SMARCA2: variants seen among roughly 807,000 people sequenced by gnomAD.
SMARCA2 encodes SWI/SNF related BAF chromatin remodeling complex subunit ATPase 2.
In SMARCA2, 61 loss-of-function variants were observed where a neutral mutation model predicts 199.8. The observed-to-expected ratio is 0.31, with a 90% CI of 0.25 to 0.38. The LOEUF (loss-of-function observed/expected upper bound fraction) is 0.38. SMARCA2 is among the 10% of genes least tolerant of loss of function. SMARCA2 has a pLI of 1.00. For synonymous variants in SMARCA2, 935 were observed against 732.0 expected, an observed-to-expected ratio of 1.28 and a Z score of -4.48; for missense variants, 1,344 against 2,012.2, an observed-to-expected ratio of 0.67 and a Z score of 6.35.
chr9:2,089,540 C>G (rs1256118422), intron 19 of SMARCA2, among the ~76,000 whole-genome samples: 1 of 152,146 alleles, frequency 6.6e-6, no homozygotes, highest in Non-Finnish European at 1.5e-5. Flanking sequence ...CAACGTTGAT[C>G]ACTTTGTTAC....
intron 27 of SMARCA2, among the ~76,000 whole-genome samples, chr9:2,141,124 T>C (rs1473716754): frequency 6.6e-6 from 1 of 151,504 alleles, no homozygotes; most frequent in Non-Finnish European, 1.5e-5. Flanking sequence ...GAGAGAATTC[T>C]TAATCCAAAT....
chr9:2,136,251 G>A (rs940851458), intron 27 of SMARCA2, among the ~76,000 whole-genome samples: 8 of 144,316 alleles, frequency 5.5e-5, no homozygotes, highest in Non-Finnish European at 1.1e-4. Flanking sequence ...GCAGTGGCAC[G>A]ATCTTGGCTC....
intron 3 of SMARCA2, among the ~76,000 whole-genome samples, chr9:2,037,023 T>G (rs1218799061): frequency 6.6e-6 from 1 of 152,212 alleles, no homozygotes; most frequent in East Asian, 1.9e-4. Flanking sequence ...ATATGACTAA[T>G]TTTAAGCCCT....
chr9:2,118,341 AT>A (rs750496618), intron 25 of SMARCA2, among the ~76,000 whole-genome samples: 1 of 152,104 alleles, frequency 6.6e-6, no homozygotes, highest in Non-Finnish European at 1.5e-5. Flanking sequence ...TGAATTGTAG[AT>A]TTTTTTACTT....
chr9:2,181,356 A>T (rs1380279703), intron 29 of SMARCA2: 2 of 434,102 alleles, frequency 4.6e-6, no homozygotes, highest in African/African-American at 4.1e-5. Flanking sequence ...GTGTGACAGA[A>T]GTGGGGACCA....
intron 27 of SMARCA2, chr9:2,160,727 T>G (rs945389460): frequency 9.6e-6 from 5 of 520,636 alleles, no homozygotes; most frequent in African/African-American, 3.9e-5. Flanking sequence ...CAACATTAGT[T>G]ATTTTGTGTG....
chr9:2,048,257 T>A (rs577136039), intron 5 of SMARCA2, among the ~76,000 whole-genome samples: 4 of 152,272 alleles, frequency 2.6e-5, no homozygotes, highest in African/African-American at 9.6e-5. Context: ...CCGGCAAGTA[T>A]TAAGTCAAGA....
Position 2,037,457 on chromosome 9 carries a change from C to T in SMARCA2, c.356-2009C>T, listed in dbSNP as rs552458094. Among the ~76,000 whole-genome samples, 7 of 152,332 alleles carry T rather than the reference C, an allele frequency of 4.6e-5. No homozygotes were observed. In the South Asian group the frequency reaches 1.0e-3, roughly 23 times the overall value. ...TCCTGAATAGAGTTCTACTTCTCAT[C>T]AGTTGGTGGAGCAAAACCCATTCTT... On this transcript the variant is annotated intron_variant, in intron 3 of 33. Transcript: ENST00000349721.
At chr9:2,156,413 A>AGTTTTTT (rs1825362261) in intron 27 of SMARCA2, among the ~76,000 whole-genome samples, 1 of 72,612 alleles carries the variant, frequency 1.4e-5, no homozygotes, top group Non-Finnish European at 2.5e-5. Flanking sequence ...ACCATTTTAG[A>AGTTTTTT]CTTTTTTTTT....
rs1823539080 is a variant in SMARCA2 at position 2,123,151 on chromosome 9, A to G, written c.3763-568A>G. 6.6e-6 allele frequency among the ~76,000 whole-genome samples: 1 copy of G among 152,208 alleles called. No individual in the cohort carries two copies. Among genetic ancestry groups the G allele is most frequent in the African/African-American group, 2.4e-5 (1 of 41,448 alleles). ...CCATGAGGTATTGAAAAGTTAGTAT[A>G]TTCATGGCCAATGGACCAGTGAAAC... On this transcript the variant is annotated intron_variant, in intron 26 of 33. Coordinates refer to ENST00000349721, the MANE Select transcript of SMARCA2 (RefSeq NM_003070.5). This position sits in a 1 kb window ranked among gnomAD's most constrained non-coding sequence, Gnocchi z 4.1.
intron 9 of SMARCA2, 83 bp from the exon 10 acceptor site, chr9:2,070,335 C>T (rs1821034801): frequency 9.4e-7 from 1 of 1,062,880 alleles, no homozygotes; most frequent in Admixed American, 1.8e-5. Context: ...CAATGAAATC[C>T]TATTACATAC....
At position 2,047,275 on chromosome 9, in the gene SMARCA2, G is replaced by C. The variant is rs1214812975; in HGVS notation, c.837G>C (p.Pro279=). ...GCCCGAGCACCCCGCAGAAGCTGCC[G>C]GTGCCCGCGCCCGGCGGCCGGCCCT... ...LSGPSTPQKL[P]VPAPGGRPSP... The change falls in exon 5 of 34, where the codon CCG becomes CCC. Residue 279 remains proline, a synonymous_variant. Coordinates refer to ENST00000349721, the MANE Select transcript of SMARCA2 (RefSeq NM_003070.5). 1 of 1,002,214 alleles carries C rather than the reference G, an allele frequency of 1.0e-6. No homozygotes were observed. Among genetic ancestry groups the C allele is most frequent in the East Asian group, 9.2e-5 (1 of 10,846 alleles). 62.1% of individuals were successfully genotyped at this position (1,002,214 alleles called of 1,614,324 possible).
chr9:2,124,435 AG>A (rs1399118705), intron 27 of SMARCA2, among the ~76,000 whole-genome samples: 1 of 152,218 alleles, frequency 6.6e-6, no homozygotes, highest in Non-Finnish European at 1.5e-5. Context: ...GTAGACCCAT[AG>A]TACTTTTAGA....
chr9:2,110,249 C>T lies in SMARCA2; in HGVS notation c.3293-5C>T, dbSNP rs41270123. 8.7e-6 allele frequency: 14 copies of T among 1,607,042 alleles called. No homozygotes were observed. Among genetic ancestry groups the T allele is most frequent in the Non-Finnish European group, 1.2e-5 (14 of 1,177,040 alleles). ...TTGGCAAATTAATTTTTCTGATCCCCTCAGGCACCACCAAGTCTGAAGATC... is the reference window on the plus strand; with the variant it reads ...TTGGCAAATTAATTTTTCTGATCCCTTCAGGCACCACCAAGTCTGAAGATC... On this transcript the variant is annotated splice_polypyrimidine_tract_variant and splice_region_variant and intron_variant, in intron 23 of 33. Transcript: ENST00000349721. The surrounding 1 kb of genome is among the most constrained non-coding windows in gnomAD (Gnocchi z 4.8).
At chr9:2,048,850 TC>T (rs1305886462) in intron 5 of SMARCA2, among the ~76,000 whole-genome samples, 1 of 152,210 alleles carries the variant, frequency 6.6e-6, no homozygotes, top group East Asian at 1.9e-4. Flanking sequence ...TGTTATAAAG[TC>T]AAATACTAGC....
At chr9:2,058,091 C>G (rs1563738200) in intron 7 of SMARCA2, 200 bp from the exon 8 acceptor site, 4 of 511,090 alleles carry the variant, frequency 7.8e-6, no homozygotes, top group Non-Finnish European at 1.4e-5. Context: ...CAAAAGGAAC[C>G]CGAAGAGGCT....
chr9:2,186,601 C>G (rs1473213814), intron 32 of SMARCA2, among the ~76,000 whole-genome samples: 1 of 149,128 alleles, frequency 6.7e-6, no homozygotes, highest in African/African-American at 2.5e-5. Context: ...CAGTAGCTCA[C>G]TGCAACCTCC....
At chr9:2,138,659 G>T (rs1383486361) in intron 27 of SMARCA2, among the ~76,000 whole-genome samples, 1 of 152,124 alleles carries the variant, frequency 6.6e-6, no homozygotes, top group African/African-American at 2.4e-5. Flanking sequence ...TTGCAGATTT[G>T]TCACTGATTT....
intron 19 of SMARCA2, among the ~76,000 whole-genome samples, chr9:2,092,896 T>G (rs1586697253): frequency 6.6e-6 from 1 of 152,180 alleles, no homozygotes; most frequent in South Asian, 2.1e-4. Context: ...GCCATCACAT[T>G]TTTTGGGGGA....
Sources: gnomAD v4.1 joint callset for allele counts (sites outside exome capture counted in the v4.1 genomes callset) on GRCh38, gnomAD v4.1.1 for gene constraint, Gnocchi (gnomAD v3.1) non-coding constraint, MANE v1.5 for transcripts, NCBI Gene and HGNC (gene_info 2026-07-23, HGNC 2026-07-21) for gene names.